RASGRP3: variants seen among roughly 807,000 people sequenced by gnomAD.
RASGRP3 encodes ras guanyl-releasing protein 3.
A neutral mutation model predicts 82.7 loss-of-function variants in RASGRP3; 54 were observed. The observed-to-expected ratio is 0.65, with a 90% CI of 0.52 to 0.82. RASGRP3 has a LOEUF of 0.82. RASGRP3 is among the 40% of genes least tolerant of loss of function. RASGRP3 has a pLI of 0.00. For synonymous variants in RASGRP3, 309 were observed against 300.5 expected (o/e 1.03, Z -0.29); for missense variants, 861 against 828.9 (o/e 1.04, Z -0.48).
chr2:33,441,238 T>A (rs1376032975), intron 1 of RASGRP3, among the ~76,000 whole-genome samples: 1 of 152,162 alleles, frequency 6.6e-6, no homozygotes, highest in Non-Finnish European at 1.5e-5. Context: ...CTTTGACCTA[T>A]ATGTCCCCAT....
At chr2:33,469,334 TTTATC>T (rs1400927568) in intron 2 of RASGRP3, among the ~76,000 whole-genome samples, 3 of 152,214 alleles carry the variant, frequency 2.0e-5, no homozygotes, top group African/African-American at 7.2e-5. Flanking sequence ...ATCGTGAACT[TTTATC>T]TTTATAGCTC....
chr2:33,517,424 C>A (rs770472737), intron 4 of RASGRP3, among the ~76,000 whole-genome samples: 1 of 152,160 alleles, frequency 6.6e-6, no homozygotes, highest in Non-Finnish European at 1.5e-5. Flanking sequence ...GAGTGAGAAC[C>A]CCTACAGGGA....
chr2:33,557,868 A>T (rs1485401014), intron 15 of RASGRP3, among the ~76,000 whole-genome samples: 1 of 151,730 alleles, frequency 6.6e-6, no homozygotes, highest in African/African-American at 2.4e-5. Flanking sequence ...CCTGGGAAAG[A>T]CTCTCAACCC....
chr2:33,536,821 C>A (rs1408323982), intron 11 of RASGRP3, among the ~76,000 whole-genome samples: 2 of 152,138 alleles, frequency 1.3e-5, no homozygotes, highest in Non-Finnish European at 2.9e-5. Context: ...AAGCCCTTTG[C>A]TGGAGGGGAA....
At position 33,564,425 on chromosome 2, in the gene RASGRP3, T is replaced by C. The variant is rs1044723225; in HGVS notation, c.*1688T>C. On this transcript the variant is annotated 3_prime_UTR_variant, in exon 18 of 18. Coordinates refer to ENST00000403687, the MANE Select transcript of RASGRP3 (RefSeq NM_001139488.2). ...AAGGCAGCCATCCCTAGATGTTGGT[T>C]TCATGTATATTACACTATCTACTAC... 6.6e-6 allele frequency: 1 copy of C among 152,216 alleles called. No individual in the cohort carries two copies. The highest frequency in any genetic ancestry group is 6.5e-5 in the Admixed American group (1 of 15,276). The allele number at this position is 152,216 out of a possible 1,614,324, so 9.4% of individuals were successfully genotyped here.
intron 2 of RASGRP3, among the ~76,000 whole-genome samples, chr2:33,450,871 T>C (rs1253871654): frequency 7.8e-6 from 1 of 128,926 alleles, no homozygotes; most frequent in Non-Finnish European, 1.6e-5. Context: ...AGAGTCTTGC[T>C]CATTCGCCCA....
At chr2:33,492,837 G>A (rs958040009) in intron 1 of RASGRP3, among the ~76,000 whole-genome samples, 3 of 152,162 alleles carry the variant, frequency 2.0e-5, no homozygotes, top group African/African-American at 4.8e-5. Flanking sequence ...CATGCTTACC[G>A]ATCCATGGAG....
Position 33,437,896 on chromosome 2 carries a change from A to C in RASGRP3, c.-385+1305A>C, listed in dbSNP as rs116641338. On this transcript the variant is annotated intron_variant, in intron 1 of 18. Transcript: ENST00000402538. ...GATAGATCTGAAGAAACAAACAAACAAACCCTCAGCATTTATTTTCAGGAC... is the reference window on the plus strand; with the variant it reads ...GATAGATCTGAAGAAACAAACAAACCAACCCTCAGCATTTATTTTCAGGAC... 3.7e-3 allele frequency among the ~76,000 whole-genome samples: 571 copies of C among 152,344 alleles called. 2 individuals are homozygous for C. Among genetic ancestry groups the C allele is most frequent in the African/African-American group, 0.012 (502 of 41,580 alleles).
Position 33,520,539 on chromosome 2 carries a change from T to G in RASGRP3, c.237-14T>G. 1.2e-6 allele frequency: 2 copies of G among 1,612,418 alleles called. No homozygotes were observed. ...GCAATCTTCCAGCTGCCAAAAATAT[T>G]TGATGCCTTTCAGGTACTGGATTCT... On this transcript the variant is annotated splice_polypyrimidine_tract_variant and intron_variant, in intron 5 of 17. Coordinates refer to ENST00000403687, the MANE Select transcript of RASGRP3 (RefSeq NM_001139488.2).
Position 33,515,049 on chromosome 2 carries a change from G to A in RASGRP3, c.-88G>A. ...ACAACTAAGGACAGGTCACCACTAGGCACTAACATCGCTGACTTGCATGAT... is the reference window on the plus strand; with the variant it reads ...ACAACTAAGGACAGGTCACCACTAGACACTAACATCGCTGACTTGCATGAT... On this transcript the variant is annotated 5_prime_UTR_variant, in exon 3 of 18. Transcript: ENST00000403687. The A allele has an allele frequency of 8.3e-7, 1 of 1,201,372 alleles. No homozygotes were observed. Among genetic ancestry groups the A allele is most frequent in the South Asian group, 1.2e-5 (1 of 82,444 alleles). 74.4% of individuals were successfully genotyped at this position (1,201,372 alleles called of 1,614,324 possible).
At position 33,516,616 on chromosome 2, in the gene RASGRP3, A is replaced by G. The variant is rs1344634984; in HGVS notation, c.145A>G (p.Thr49Ala). ...LLMHRWYLSS[T>A]ELAEKLLCMY... ...GATGCACCGATGGTATTTATCTTCC[A>G]CTGAATTGGCAGAAAAACTTCTCTG... The change falls in exon 4 of 18, where the codon ACT becomes GCT. Residue 49 changes from threonine to alanine, a missense_variant. Thr to Ala is a moderately conservative substitution (Grantham distance 58). Transcript: ENST00000403687. The G allele has an allele frequency of 1.3e-6, 2 of 1,585,670 alleles. No homozygotes were observed. Among genetic ancestry groups the G allele is most frequent in the East Asian group, 2.2e-5 (1 of 44,506 alleles).
At chr2:33,498,419 CTTAGAAA>C (rs1351842019) in intron 1 of RASGRP3, among the ~76,000 whole-genome samples, 1 of 152,164 alleles carries the variant, frequency 6.6e-6, no homozygotes, top group Non-Finnish European at 1.5e-5. Context: ...TTACATTGTA[CTTAGAAA>C]AGAACTCAGT....
rs1170217165 is a variant in RASGRP3, at chr2:33,450,822, C to CTTT, written c.-261+2910_-261+2912dup. Among the ~76,000 whole-genome samples the CTTT allele has an allele frequency of 4.6e-3, 87 of 18,972 alleles. 6 individuals are homozygous for CTTT. The highest frequency in any genetic ancestry group is 0.022 in the East Asian group (14 of 632). The allele number at this position is 18,972 out of a possible 152,430, so 12.4% of individuals were successfully genotyped here. A position where few individuals can be genotyped will look rare whatever the true frequency, so the allele number is the denominator to read the frequency against. On this transcript the variant is annotated intron_variant, in intron 2 of 18. Coordinates refer to the RASGRP3 transcript ENST00000402538. The stretch of plus-strand genomic sequence containing the variant: ...TCTTTCTTTTTCTCTTTCTTTCTTT[C>CTTT]TTTTTTTTTTTTTTTTTTTTTTTTT...
At chr2:33,547,440 G>T (rs1462166429) in intron 13 of RASGRP3, among the ~76,000 whole-genome samples, 1 of 138,838 alleles carries the variant, frequency 7.2e-6, no homozygotes, top group Non-Finnish European at 1.5e-5. Context: ...TGCATAGGAG[G>T]TAAGAAAGGG....
At chr2:33,443,058 A>G (rs1665312376) in intron 1 of RASGRP3, among the ~76,000 whole-genome samples, 2 of 152,220 alleles carry the variant, frequency 1.3e-5, no homozygotes, top group Admixed American at 6.5e-5. Context: ...GCACATAGCT[A>G]GTAAAATGCA....
At chr2:33,447,135 C>T (rs1409440575) in intron 1 of RASGRP3, among the ~76,000 whole-genome samples, 1 of 149,358 alleles carries the variant, frequency 6.7e-6, no homozygotes, top group Non-Finnish European at 1.5e-5. Flanking sequence ...GAGGGGGAAG[C>T]AGTGACCAAG....
At chr2:33,465,764 C>G (rs1666659767) in intron 2 of RASGRP3, among the ~76,000 whole-genome samples, 1 of 152,218 alleles carries the variant, frequency 6.6e-6, no homozygotes, top group East Asian at 1.9e-4. Flanking sequence ...GACAGGCTGA[C>G]TCTTGTTAGG....
intron 1 of RASGRP3, among the ~76,000 whole-genome samples, chr2:33,483,624 G>A (rs879536020): frequency 4.0e-5 from 6 of 151,532 alleles, no homozygotes; most frequent in Admixed American, 6.6e-5. Context: ...GAGTAGCTGC[G>A]ACTATAGGCA....
Position 33,556,928 on chromosome 2 carries a change from C to CACACACACAT in RASGRP3, c.1580-1283_1580-1282insACACACACAT, listed in dbSNP as rs1553366467. Among the ~76,000 whole-genome samples the CACACACACAT allele has an allele frequency of 6.1e-5, 9 of 148,418 alleles. No homozygotes were observed. The South Asian group carries it at 8.7e-4, about 14-fold the overall frequency. On this transcript the variant is annotated intron_variant, in intron 15 of 17. Transcript: ENST00000403687. Reference sequence around the variant, plus strand: ...ACACACACACACACACACACACACACGCAATTTTATAAAGATGAAAATCTA... The same window carrying CACACACACAT: ...ACACACACACACACACACACACACACACACACACATGCAATTTTATAAAGATGAAAATCTA...
Sources: allele counts gnomAD v4.1 joint callset (sites outside exome capture counted in the v4.1 genomes callset), GRCh38; gene constraint gnomAD v4.1.1; transcripts MANE v1.5; gene names NCBI Gene and HGNC (gene_info 2026-07-23, HGNC 2026-07-21).